TNNI3K: variants seen among roughly 807,000 people sequenced by gnomAD.
The protein encoded by TNNI3K is TNNI3 interacting kinase.
A neutral mutation model predicts 114.5 loss-of-function variants in TNNI3K; 140 were observed. The observed-to-expected ratio is 1.22, with a 90% CI of 1.07 to 1.41. TNNI3K has a LOEUF of 1.41. TNNI3K is among the 40% of genes most tolerant of loss of function. The pLI is 0.00. For missense variants in TNNI3K, 1,125 were observed against 1,007.6 expected (o/e 1.12, Z -1.58); for synonymous variants, 347 against 347.5 (o/e 1.00, Z 0.02).
At chr1:74,400,774 A>G (rs553072685) in intron 17 of TNNI3K, among the ~76,000 whole-genome samples, 3 of 152,308 alleles carry the variant, frequency 2.0e-5, no homozygotes, top group African/African-American at 7.2e-5. Context: ...AACAAAGGCA[A>G]CTACTTGACT....
chr1:74,370,373 A>G lies in TNNI3K; in HGVS notation c.1753A>G (p.Ile585Val). The stretch of plus-strand genomic sequence containing the variant: ...CCTTCACAACCTGACACAGCCAATT[A>G]TACATCGTGACTTGAACAGGTATTT... ...EYLHNLTQPIIHRDLNSHNIL... is the reference protein window; with the variant it reads ...EYLHNLTQPIVHRDLNSHNIL... Residue 585 changes from isoleucine to valine, a missense_variant, in exon 17 of 25, where the codon ATA becomes GTA. Physicochemically the swap from Ile to Val is conservative, Grantham distance 29. Coordinates refer to ENST00000326637, the MANE Select transcript of TNNI3K (RefSeq NM_015978.3). 14 of 1,606,902 alleles carry G rather than the reference A, an allele frequency of 8.7e-6. No individual in the cohort carries two copies. The highest frequency in any genetic ancestry group is 1.3e-5 in the African/African-American group (1 of 74,702).
At chr1:74,384,767 A>G (rs1189915311) in intron 17 of TNNI3K, among the ~76,000 whole-genome samples, 2 of 152,108 alleles carry the variant, frequency 1.3e-5, no homozygotes, top group Non-Finnish European at 2.9e-5. Context: ...CGTTTCCTGA[A>G]CTTGTTAAAT....
chr1:74,276,655 A>G (rs74093624), intron 5 of TNNI3K, among the ~76,000 whole-genome samples: 2,877 of 152,202 alleles, frequency 0.019, 84 homozygotes, highest in African/African-American at 0.065. Context: ...ACTAGTCACT[A>G]TCTTTTATTG....
chr1:74,499,215 C>T (rs902359255), intron 23 of TNNI3K, among the ~76,000 whole-genome samples: 5 of 152,178 alleles, frequency 3.3e-5, no homozygotes, highest in African/African-American at 1.2e-4. Flanking sequence ...TGGATGAACA[C>T]TTTACCTAGA....
At chr1:74,471,008 C>T in intron 21 of TNNI3K, 3 of 400,672 alleles carry the variant, frequency 7.5e-6, no homozygotes, top group Non-Finnish European at 1.3e-5. Flanking sequence ...TAACTAAGCA[C>T]TTTTGATTCA....
In TNNI3K at chr1:74,540,124, A is replaced by G. The variant is rs1480040736; in HGVS notation, c.2352-110A>G. The stretch of plus-strand genomic sequence containing the variant: ...ACTGTTAAGATAAAAGCTGCTTTGT[A>G]TCACTTTGCCATTTCTCTGGGATCT... On this transcript the variant is annotated intron_variant, in intron 23 of 24. Coordinates refer to ENST00000326637, the MANE Select transcript of TNNI3K (RefSeq NM_015978.3). The G allele has an allele frequency of 5.2e-6, 6 of 1,160,368 alleles. No individual in the cohort carries two copies. The Admixed American group carries it at 1.0e-4, about 20-fold the overall frequency. 71.9% of individuals were successfully genotyped at this position (1,160,368 alleles called of 1,614,324 possible).
intron 20 of TNNI3K, among the ~76,000 whole-genome samples, chr1:74,456,839 A>G (rs1667246618): frequency 1.3e-5 from 2 of 152,162 alleles, no homozygotes; most frequent in South Asian, 4.1e-4. Flanking sequence ...TCAGAGTTGC[A>G]AACTGGAAGT....
At position 74,259,169 on chromosome 1, in the gene TNNI3K, T is replaced by C. The variant is rs116319415; in HGVS notation, c.333+8400T>C. On this transcript the variant is annotated intron_variant, in intron 4 of 24. Transcript: ENST00000326637. ...ATCTAATCTAGAGACATATTTATTA[T>C]AGGAACTGGCTCACACTATTATGGA... 3.6e-3 allele frequency among the ~76,000 whole-genome samples: 548 copies of C among 152,310 alleles called. 5 individuals are homozygous for C. Among genetic ancestry groups the C allele is most frequent in the African/African-American group, 0.012 (516 of 41,564 alleles).
chr1:74,541,173 A>T (rs1646722606), intron 24 of TNNI3K, among the ~76,000 whole-genome samples: 1 of 152,212 alleles, frequency 6.6e-6, no homozygotes, highest in Non-Finnish European at 1.5e-5. Context: ...AGAATAAATT[A>T]GATGAAGTGA....
intron 23 of TNNI3K, among the ~76,000 whole-genome samples, chr1:74,522,353 T>C (rs1467965964): frequency 6.6e-6 from 1 of 152,130 alleles, no homozygotes; most frequent in Admixed American, 6.6e-5. Context: ...GTTCCTAGCA[T>C]TCCTATGGGA....
intron 20 of TNNI3K, among the ~76,000 whole-genome samples, chr1:74,452,310 T>C (rs1450443710): frequency 6.6e-6 from 1 of 152,168 alleles, no homozygotes; most frequent in African/African-American, 2.4e-5. Context: ...TCTCTGTAAC[T>C]GTAAGGTGCA....
At chr1:74,241,278 C>T (rs1486081595) in intron 2 of TNNI3K, among the ~76,000 whole-genome samples, 2 of 152,138 alleles carry the variant, frequency 1.3e-5, no homozygotes, top group Non-Finnish European at 2.9e-5. Flanking sequence ...GTTTTATAAT[C>T]CTTTGGGTAT....
At chr1:74,429,193 G>A (rs1484135675) in intron 17 of TNNI3K, among the ~76,000 whole-genome samples, 1 of 151,988 alleles carries the variant, frequency 6.6e-6, no homozygotes, top group Non-Finnish European at 1.5e-5. Flanking sequence ...TCCTCAAGAA[G>A]ATAATGACTT....
chr1:74,452,009 C>T (rs1301705785), intron 20 of TNNI3K, among the ~76,000 whole-genome samples: 1 of 151,902 alleles, frequency 6.6e-6, no homozygotes, highest in Non-Finnish European at 1.5e-5. Context: ...ATTTTAAAAA[C>T]ATAAACCTGA....
At chr1:74,277,281 T>A (rs1482165362) in intron 5 of TNNI3K, among the ~76,000 whole-genome samples, 1 of 152,050 alleles carries the variant, frequency 6.6e-6, no homozygotes, top group African/African-American at 2.4e-5. Context: ...GATAAATAAA[T>A]AAGCTGGATG....
At chr1:74,434,998 GGGTAAA>G (rs1316504162) in intron 17 of TNNI3K, among the ~76,000 whole-genome samples, 1 of 151,834 alleles carries the variant, frequency 6.6e-6, no homozygotes, top group Non-Finnish European at 1.5e-5. Context: ...AAATAGTTAA[GGGTAAA>G]GGAACATTAT....
chr1:74,263,988 T>C (rs1473011159), intron 4 of TNNI3K, among the ~76,000 whole-genome samples: 1 of 151,858 alleles, frequency 6.6e-6, no homozygotes, highest in Non-Finnish European at 1.5e-5. Flanking sequence ...ATCTCTATAT[T>C]ATTAAATGAG....
At chr1:74,375,007 A>G (rs557144682) in intron 17 of TNNI3K, 2 of 152,122 alleles carry the variant, frequency 1.3e-5, no homozygotes, top group African/African-American at 2.4e-5. Flanking sequence ...TTCTCCTTCT[A>G]TAAAGATATA....
chr1:74,526,294 GA>G lies in TNNI3K; in HGVS notation c.2352-13936del, dbSNP rs202231212. 7.6e-3 allele frequency among the ~76,000 whole-genome samples: 1,151 copies of G among 152,192 alleles called. 17 individuals are homozygous for G. The highest frequency in any genetic ancestry group is 0.025 in the African/African-American group (1,050 of 41,512). On this transcript the variant is annotated intron_variant, in intron 23 of 24. Coordinates refer to ENST00000326637, the MANE Select transcript of TNNI3K (RefSeq NM_015978.3). ...TTGAACTTTCCTCAATCCAAAAGGG[GA>G]AAAGAATATGTATTGCTCTGTGGGC...
Sources: gnomAD v4.1 joint callset for allele counts (sites outside exome capture counted in the v4.1 genomes callset) on GRCh38, gnomAD v4.1.1 for gene constraint, MANE v1.5 for transcripts, NCBI Gene and HGNC (gene_info 2026-07-23, HGNC 2026-07-21) for gene names.